Variants in PCLO observed in about 807,000 individuals in gnomAD.
The protein encoded by PCLO is piccolo presynaptic cytomatrix protein.
In PCLO, 82 loss-of-function variants were observed where a neutral mutation model predicts 427.5. The observed-to-expected ratio is 0.19, with a 90% CI of 0.16 to 0.23. The LOEUF is 0.23. PCLO is among the 10% of genes least tolerant of loss of function. PCLO has a pLI of 1.00. For missense variants in PCLO, 6,239 were observed against 6,115.9 expected (o/e 1.02, Z -0.67); for synonymous variants, 2,357 against 2,155.4 (o/e 1.09, Z -2.59).
At chr7:82,763,116 T>C (rs1263953264) in intron 22 of PCLO, among the ~76,000 whole-genome samples, 1 of 152,058 alleles carries the variant, frequency 6.6e-6, no homozygotes. Flanking sequence ...TAGAAAGAAA[T>C]GCACTGAAGG....
intron 3 of PCLO, among the ~76,000 whole-genome samples, chr7:82,974,776 T>G (rs28402906): frequency 0.074 from 11,203 of 152,126 alleles, 1,403 homozygotes; most frequent in African/African-American, 0.26. Context: ...GTATATCTTT[T>G]TATTTTATTT....
chr7:82,935,668 G>C (rs2116358508), intron 6 of PCLO, among the ~76,000 whole-genome samples: 1 of 151,662 alleles, frequency 6.6e-6, no homozygotes, highest in South Asian at 2.1e-4. Flanking sequence ...TATGCCAAAA[G>C]TGAAACTTCA....
intron 10 of PCLO, among the ~76,000 whole-genome samples, chr7:82,877,582 T>G (rs2371365): frequency 6.6e-6 from 1 of 151,950 alleles, no homozygotes; most frequent in East Asian, 1.9e-4. Context: ...TTTATTCATA[T>G]AGTCTTTCCT....
chr7:82,955,321 T>C lies in PCLO; in HGVS notation c.5632A>G (p.Ile1878Val), dbSNP rs150515688. 728 of 1,613,590 alleles carry C rather than the reference T, an allele frequency of 4.5e-4. 3 individuals carry two copies. In the African/African-American group the frequency reaches 8.7e-3, roughly 19 times the overall value. Residue 1878 changes from isoleucine (I) to valine (V), a missense_variant, in exon 5 of 25, where the codon ATA becomes GTA. By Grantham distance (29) the Ile-to-Val change is conservative. Transcript: ENST00000333891. ...EGFEISPEKI[I>V]EVQKVYKLPT... ...AATTTATAAACTTTTTGTACTTCTA[T>C]TATTTTTTCCGGGCTTATTTCAAAA...
At chr7:82,992,343 C>T (rs887329358) in intron 3 of PCLO, among the ~76,000 whole-genome samples, 2 of 152,070 alleles carry the variant, frequency 1.3e-5, no homozygotes, top group Non-Finnish European at 2.9e-5. Context: ...GTGCCTGCTG[C>T]TCTCCACAGT....
At position 82,986,802 on chromosome 7, in the gene PCLO, T is replaced by C. The variant is rs1017628255; in HGVS notation, c.3301-20315A>G. On this transcript the variant is annotated intron_variant, in intron 3 of 24. Transcript: ENST00000333891. ...CAAACACAGAATTTAGGGAATGATA[T>C]GGGATATTATATCAAATTATTGCAA... Among the ~76,000 whole-genome samples the C allele has an allele frequency of 3.3e-5, 5 of 151,956 alleles. No individual in the cohort carries two copies. The South Asian group carries it at 1.0e-3, about 31-fold the overall frequency.
In PCLO at chr7:82,841,489, A is replaced by C; in HGVS notation, c.14067T>G (p.Val4689=). The C allele has an allele frequency of 6.3e-7, 1 of 1,596,936 alleles. No individual in the cohort carries two copies. Among genetic ancestry groups the C allele is most frequent in the Non-Finnish European group, 8.6e-7 (1 of 1,165,202 alleles). The change falls in exon 14 of 25, where the codon GTT becomes GTG. Residue 4689 remains valine (V), a synonymous_variant. Coordinates refer to ENST00000333891, the MANE Select transcript of PCLO (RefSeq NM_033026.6). ...TTTCTCCTGTAATTGGATGAGAGAC[A>C]ACCTTTGTTCCATCGGTAGGCTGTA... ...GSSKPTDGTK[V]VSHPITGEIQ...
intron 3 of PCLO, among the ~76,000 whole-genome samples, chr7:83,019,016 A>G (rs977300660): frequency 6.6e-6 from 1 of 152,066 alleles, no homozygotes; most frequent in Non-Finnish European, 1.5e-5. Flanking sequence ...GCATACAGAA[A>G]GGTATATGAG....
chr7:83,096,804 AATATT>A, intron 3 of PCLO, among the ~76,000 whole-genome samples: 1 of 46,252 alleles, frequency 2.2e-5, no homozygotes, highest in Admixed American at 4.1e-4. Flanking sequence ...AAAATATATT[AATATT>A]ATATAATATA....
intron 3 of PCLO, among the ~76,000 whole-genome samples, chr7:83,043,000 C>T (rs974821804): frequency 3.3e-5 from 5 of 152,194 alleles, no homozygotes; most frequent in Non-Finnish European, 7.3e-5. Context: ...GTTTCTCAAA[C>T]TCAGCACTAC....
chr7:82,978,425 T>C (rs572785807), intron 3 of PCLO, among the ~76,000 whole-genome samples: 56 of 152,278 alleles, frequency 3.7e-4, no homozygotes, highest in Middle Eastern at 3.4e-3. Flanking sequence ...ATCCAATGGC[T>C]AATCAGTATT....
intron 3 of PCLO, among the ~76,000 whole-genome samples, chr7:83,090,036 G>A (rs1790338333): frequency 6.6e-6 from 1 of 152,162 alleles, no homozygotes; most frequent in African/African-American, 2.4e-5. Context: ...CAGGCACAGT[G>A]GCTCAAACCT....
chr7:82,956,545 C>T lies in PCLO; in HGVS notation c.4408G>A (p.Glu1470Lys). The change falls in exon 5 of 25, where the codon GAG becomes AAG. Residue 1470 changes from glutamate to lysine, a missense_variant. By Grantham distance (56) the Glu-to-Lys change is moderately conservative. Coordinates refer to ENST00000333891, the MANE Select transcript of PCLO (RefSeq NM_033026.6). ...GTGTCTTTCCTTTCTTCTTGACTCT[C>T]TTTGATCTCCTCTTCTGAAATAGTA... ...EITISEEEIKESQEERKDTFK... is the reference protein window; with the variant it reads ...EITISEEEIKKSQEERKDTFK... 1 of 1,612,830 alleles carries T rather than the reference C, an allele frequency of 6.2e-7. No individual in the cohort carries two copies. Among genetic ancestry groups the T allele is most frequent in the Non-Finnish European group, 8.5e-7 (1 of 1,179,626 alleles).
chr7:83,005,589 A>G (rs990884996), intron 3 of PCLO, among the ~76,000 whole-genome samples: 4 of 151,678 alleles, frequency 2.6e-5, no homozygotes, highest in African/African-American at 7.3e-5. Context: ...GGGGGACAAA[A>G]AAGTACAAAC....
intron 9 of PCLO, among the ~76,000 whole-genome samples, chr7:82,900,093 A>C (rs1468781666): frequency 6.6e-6 from 1 of 151,712 alleles, no homozygotes; most frequent in Non-Finnish European, 1.5e-5. Flanking sequence ...TCAGTACTTA[A>C]AATACAGTTT....
At chr7:83,110,017 T>C (rs1790963098) in intron 3 of PCLO, among the ~76,000 whole-genome samples, 1 of 151,608 alleles carries the variant, frequency 6.6e-6, no homozygotes, top group South Asian at 2.1e-4. Flanking sequence ...AGTTTCCTCA[T>C]CTATAAAATG....
chr7:83,028,254 C>A (rs1562927935), intron 3 of PCLO, among the ~76,000 whole-genome samples: 1 of 150,768 alleles, frequency 6.6e-6, no homozygotes, highest in Non-Finnish European at 1.5e-5. Context: ...GCAACTTCAA[C>A]AAAGTCTCAG....
intron 20 of PCLO, chr7:82,821,373 AG>A (rs1175116285): frequency 1.0e-6 from 1 of 985,740 alleles, no homozygotes; most frequent in African/African-American, 1.7e-5. Context: ...TCATGCAAAC[AG>A]AAGTGCTCTT....
chr7:82,883,897 G>A (rs1562835854), intron 9 of PCLO, among the ~76,000 whole-genome samples: 1 of 152,076 alleles, frequency 6.6e-6, no homozygotes, highest in Non-Finnish European at 1.5e-5. Context: ...GGCCTCCCTA[G>A]TAGCTGGGAT....
Sources: allele counts gnomAD v4.1 joint callset (sites outside exome capture counted in the v4.1 genomes callset), GRCh38; gene constraint gnomAD v4.1.1; transcripts MANE v1.5; gene names NCBI Gene and HGNC (gene_info 2026-07-23, HGNC 2026-07-21).